Variants in APELA observed in about 807,000 individuals in gnomAD.
The protein encoded by APELA is apelin receptor early endogenous ligand.
At chr4:164,893,007 G>A (rs1730911045) in intron 2 of APELA, among the ~76,000 whole-genome samples, 1 of 152,012 alleles carries the variant, frequency 6.6e-6, no homozygotes, top group African/African-American at 2.4e-5. Flanking sequence ...TTCTTGGTCA[G>A]TCTAAATAAA....
rs565261069 is a variant in APELA at position 164,894,049 on chromosome 4, G to A, written c.*2-1367G>A. On this transcript the variant is annotated intron_variant, in intron 2 of 2. Coordinates refer to ENST00000507152, the MANE Select transcript of APELA (RefSeq NM_001297550.2). ...TTATTTAACAATTTTTTGGCCGGGC[G>A]TGGTGGCTCACACCTATAATCTCAG... 3.7e-4 allele frequency among the ~76,000 whole-genome samples: 56 copies of A among 152,156 alleles called. 1 individual carries two copies. In the South Asian group the frequency reaches 0.012, roughly 32 times the overall value.
chr4:164,880,600 C>A lies in APELA; in HGVS notation c.*1+1591C>A, dbSNP rs573558846. Among the ~76,000 whole-genome samples the A allele has an allele frequency of 9.8e-4, 149 of 152,254 alleles. 1 individual carries two copies. Among genetic ancestry groups the A allele is most frequent in the African/African-American group, 3.6e-3 (149 of 41,548 alleles). On this transcript the variant is annotated intron_variant, in intron 2 of 2. Transcript: ENST00000507152. ...GTGCTTAAGAGGAATAGAGACACCCCAGATTTTTCCAGCACTCCTTCATAA... is the reference window on the plus strand; with the variant it reads ...GTGCTTAAGAGGAATAGAGACACCCAAGATTTTTCCAGCACTCCTTCATAA...
chr4:164,889,255 G>C (rs1346245214), intron 2 of APELA, among the ~76,000 whole-genome samples: 2 of 152,074 alleles, frequency 1.3e-5, no homozygotes, highest in African/African-American at 4.8e-5. Context: ...TGTCAAAATT[G>C]TGCTGGAGTT....
intron 1 of APELA, 138 bp from the exon 2 acceptor site, chr4:164,878,782 T>C (rs531370535): frequency 2.5e-5 from 10 of 396,078 alleles, no homozygotes; most frequent in Admixed American, 8.8e-5. Flanking sequence ...ACATTGGTTT[T>C]TAATTTTATA....
At chr4:164,879,919 C>T (rs17623248) in intron 2 of APELA, among the ~76,000 whole-genome samples, 1 of 152,142 alleles carries the variant, frequency 6.6e-6, no homozygotes, top group Admixed American at 6.5e-5. Flanking sequence ...TTGCTCCTCC[C>T]TTTTCTTGTT....
At chr4:164,888,971 GA>G (rs1730830372) in intron 2 of APELA, among the ~76,000 whole-genome samples, 1 of 146,598 alleles carries the variant, frequency 6.8e-6, no homozygotes, top group Non-Finnish European at 1.5e-5. Context: ...CTTCTCTTGA[GA>G]GTGTGTGTGT....
intron 2 of APELA, among the ~76,000 whole-genome samples, chr4:164,881,966 C>A (rs527887762): frequency 6.6e-6 from 1 of 152,028 alleles, no homozygotes; most frequent in African/African-American, 2.4e-5. Context: ...ATCATTTGAG[C>A]CCAGGAGTTT....
intron 2 of APELA, among the ~76,000 whole-genome samples, chr4:164,891,207 G>A (rs1264166394): frequency 2.0e-5 from 3 of 151,846 alleles, no homozygotes; most frequent in Non-Finnish European, 4.4e-5. Flanking sequence ...GTTGTCCTTG[G>A]AGCAAAAAAG....
At chr4:164,890,162 G>A (rs772642420) in intron 2 of APELA, among the ~76,000 whole-genome samples, 21 of 152,086 alleles carry the variant, frequency 1.4e-4, no homozygotes, top group African/African-American at 4.3e-4. Context: ...GCATGCATAC[G>A]TATTTGAACA....
intron 2 of APELA, among the ~76,000 whole-genome samples, chr4:164,889,128 C>T (rs1328933329): frequency 1.3e-5 from 2 of 149,612 alleles, no homozygotes; most frequent in East Asian, 2.0e-4. Context: ...CTCAGCCCCC[C>T]AATAACTTCT....
intron 2 of APELA, among the ~76,000 whole-genome samples, chr4:164,882,809 A>C (rs1293820713): frequency 6.6e-6 from 1 of 150,580 alleles, no homozygotes; most frequent in African/African-American, 2.5e-5. Flanking sequence ...ATGGGTTCTC[A>C]TTGTTCAATT....
At chr4:164,878,177 A>AAC (rs1730590741) in intron 1 of APELA, among the ~76,000 whole-genome samples, 1 of 149,886 alleles carries the variant, frequency 6.7e-6, no homozygotes, top group African/African-American at 2.5e-5. Context: ...GAGAGAAAGA[A>AAC]AGAAAGAAAG....
At chr4:164,888,866 T>C (rs1730829164) in intron 2 of APELA, among the ~76,000 whole-genome samples, 1 of 152,222 alleles carries the variant, frequency 6.6e-6, no homozygotes, top group Admixed American at 6.5e-5. Context: ...TCCTTACCAC[T>C]TCAGGGCTTT....
At chr4:164,892,474 G>A (rs574535354) in intron 2 of APELA, among the ~76,000 whole-genome samples, 7 of 151,940 alleles carry the variant, frequency 4.6e-5, no homozygotes, top group Middle Eastern at 3.2e-3. Flanking sequence ...TTGTATTTCC[G>A]AGGTAAATCC....
chr4:164,893,239 G>C (rs1199080183), intron 2 of APELA, among the ~76,000 whole-genome samples: 1 of 151,992 alleles, frequency 6.6e-6, no homozygotes, highest in Non-Finnish European at 1.5e-5. Context: ...GATGTTTATA[G>C]GTATAAATTT....
intron 2 of APELA, among the ~76,000 whole-genome samples, chr4:164,894,684 C>T (rs1332831967): frequency 2.6e-5 from 4 of 152,084 alleles, no homozygotes; most frequent in Admixed American, 2.0e-4. Context: ...GGATTATAGG[C>T]GTGAGCCACC....
At chr4:164,878,279 A>T (rs549887626) in intron 1 of APELA, among the ~76,000 whole-genome samples, 133 of 151,800 alleles carry the variant, frequency 8.8e-4, no homozygotes, top group African/African-American at 3.1e-3. Context: ...AAAGGTGGTA[A>T]TATTTACATC....
At chr4:164,883,577 C>G (rs1269098399) in intron 2 of APELA, among the ~76,000 whole-genome samples, 2 of 147,702 alleles carry the variant, frequency 1.4e-5, no homozygotes, top group African/African-American at 5.1e-5. Flanking sequence ...GCCTCAAAGT[C>G]TCAGGCTCAA....
chr4:164,897,978 T>C (rs892543482), downstream of APELA, among the ~76,000 whole-genome samples: 1 of 152,060 alleles, frequency 6.6e-6, no homozygotes, highest in African/African-American at 2.4e-5. Flanking sequence ...GCAAACTCCA[T>C]CTCCCAGGTT....
Sources: gnomAD v4.1 joint callset for allele counts (sites outside exome capture counted in the v4.1 genomes callset) on GRCh38, gnomAD v4.1.1 for gene constraint, MANE v1.5 for transcripts, NCBI Gene and HGNC (gene_info 2026-07-23, HGNC 2026-07-21) for gene names.